The following NR5A2 variants were observed in gnomAD, a reference collection of about 807,000 sequenced individuals.
The protein encoded by NR5A2 is CYP7A promoter-binding factor.
Under a neutral mutation model 62.7 loss-of-function variants are expected in NR5A2, and 26 were observed. The ratio of observed to expected loss-of-function variants is 0.41; its 90% CI spans 0.30 to 0.58. The LOEUF (loss-of-function observed/expected upper bound fraction) is 0.58, where lower values mean the gene tolerates loss of function less well. Among genes scored for constraint, NR5A2 ranks in the 20% least tolerant of loss-of-function variants. The probability of loss-of-function intolerance (pLI) is 0.22; values close to 1 mark genes in which losing one functional copy is unlikely to be tolerated. For missense variants in NR5A2, 541 were observed against 669.1 expected (o/e 0.81, Z 2.11); for synonymous variants, 246 against 241.7 (o/e 1.02, Z -0.16).
At chr1:200,067,069 T>A (rs1663516977) in intron 5 of NR5A2, among the ~76,000 whole-genome samples, 1 of 152,178 alleles carries the variant, frequency 6.6e-6, no homozygotes, top group Non-Finnish European at 1.5e-5. Flanking sequence ...ACCTAAAAAA[T>A]TTAGACATTA....
chr1:200,048,365 C>T lies in NR5A2; in HGVS notation c.657C>T (p.Ala219=), dbSNP rs768303959. 6.2e-7 allele frequency: 1 copy of T among 1,614,204 alleles called. No individual in the cohort carries two copies. Residue 219 remains alanine, a synonymous_variant, in exon 5 of 8, where the codon GCC becomes GCT. Coordinates refer to ENST00000367362, the MANE Select transcript of NR5A2 (RefSeq NM_205860.3). The surrounding 1 kb of genome is among the most constrained non-coding windows in gnomAD (Gnocchi z 4.8). ...ISSAIQNIHS[A]SKGLPLNHAA... ...CTGCAATTCAAAACATCCACTCTGC[C>T]TCCAAAGGCCTACCTCTGAACCATG...
intron 5 of NR5A2, among the ~76,000 whole-genome samples, chr1:200,059,675 G>A (rs1166205328): frequency 1.3e-5 from 2 of 152,176 alleles, no homozygotes. Context: ...TGACTCATAT[G>A]TGACATCCCT....
intron 1 of NR5A2, among the ~76,000 whole-genome samples, chr1:200,037,582 T>A (rs6698068): frequency 4.6e-5 from 7 of 152,332 alleles, no homozygotes; most frequent in African/African-American, 1.7e-4. Context: ...TTTATTTTCT[T>A]AGTTCTCAGT....
intron 2 of NR5A2, among the ~76,000 whole-genome samples, chr1:200,041,040 AC>A (rs1662046239): frequency 1.3e-5 from 2 of 151,890 alleles, no homozygotes; most frequent in Non-Finnish European, 2.9e-5. Flanking sequence ...TCTTCCGGGC[AC>A]CTGGAATTCC....
chr1:200,105,090 C>G (rs1558141442), intron 5 of NR5A2, among the ~76,000 whole-genome samples: 1 of 152,130 alleles, frequency 6.6e-6, no homozygotes, highest in African/African-American at 2.4e-5. Context: ...TCCTGAGTAG[C>G]TTGAACCATA....
intron 5 of NR5A2, among the ~76,000 whole-genome samples, chr1:200,051,961 C>A (rs895385802): frequency 1.3e-5 from 2 of 152,134 alleles, no homozygotes; most frequent in Non-Finnish European, 2.9e-5. Flanking sequence ...CACATACACA[C>A]AACTAAACCA....
intron 7 of NR5A2, among the ~76,000 whole-genome samples, chr1:200,129,372 T>G (rs1449732407): frequency 1.3e-5 from 2 of 151,660 alleles, no homozygotes; most frequent in African/African-American, 2.4e-5. Flanking sequence ...TTTGTAGGAA[T>G]AGCAAACATT....
intron 7 of NR5A2, among the ~76,000 whole-genome samples, chr1:200,155,673 T>TA (rs202122922): frequency 4.0e-5 from 6 of 151,644 alleles, no homozygotes; most frequent in African/African-American, 7.2e-5. Flanking sequence ...CAGATAATAA[T>TA]AAAAAAATTT....
chr1:200,168,600 A>G (rs999219173), intron 7 of NR5A2, among the ~76,000 whole-genome samples: 1 of 152,152 alleles, frequency 6.6e-6, no homozygotes, highest in Non-Finnish European at 1.5e-5. Context: ...GTACACACCT[A>G]TATTATTCTA....
At chr1:200,062,360 G>C (rs530332046) in intron 5 of NR5A2, among the ~76,000 whole-genome samples, 1 of 151,690 alleles carries the variant, frequency 6.6e-6, no homozygotes, top group African/African-American at 2.4e-5. Flanking sequence ...GTTTCATTTC[G>C]ATCACTGTAT....
chr1:200,056,055 G>C (rs886547604), intron 5 of NR5A2, among the ~76,000 whole-genome samples: 4 of 152,174 alleles, frequency 2.6e-5, no homozygotes, highest in Non-Finnish European at 5.9e-5. Context: ...TTTCCAAGCA[G>C]ACCTGAAACA....
intron 7 of NR5A2, among the ~76,000 whole-genome samples, chr1:200,123,440 C>T (rs1318504389): frequency 2.0e-5 from 3 of 152,088 alleles, no homozygotes; most frequent in Non-Finnish European, 4.4e-5. Context: ...GCAGATGTGG[C>T]TGGAGACATA....
At chr1:200,063,673 G>A (rs1663334051) in intron 5 of NR5A2, among the ~76,000 whole-genome samples, 1 of 152,214 alleles carries the variant, frequency 6.6e-6, no homozygotes, top group East Asian at 1.9e-4. Flanking sequence ...GCATTTTACT[G>A]GGGTGTAGTA....
intron 7 of NR5A2, among the ~76,000 whole-genome samples, chr1:200,169,647 G>A (rs1355299018): frequency 6.6e-6 from 1 of 152,166 alleles, no homozygotes; most frequent in African/African-American, 2.4e-5. Flanking sequence ...ATAAAAAGTT[G>A]GTAATTAGTC....
At chr1:200,094,137 C>G (rs977127767) in intron 5 of NR5A2, among the ~76,000 whole-genome samples, 3 of 151,710 alleles carry the variant, frequency 2.0e-5, no homozygotes. Context: ...CCACTGCACT[C>G]CAGCCTGGGC....
At chr1:200,090,876 C>T (rs559110387) in intron 5 of NR5A2, among the ~76,000 whole-genome samples, 12 of 152,290 alleles carry the variant, frequency 7.9e-5, no homozygotes, top group South Asian at 4.1e-4. Flanking sequence ...CTCACATTCA[C>T]GTACACAATA....
intron 7 of NR5A2, among the ~76,000 whole-genome samples, chr1:200,130,637 A>C (rs1666933512): frequency 1.3e-5 from 2 of 152,228 alleles, no homozygotes; most frequent in Admixed American, 1.3e-4. Context: ...ACATCATAAA[A>C]TTCTTTTTGC....
At chr1:200,164,867 G>GTTTT (rs56818276) in intron 7 of NR5A2, among the ~76,000 whole-genome samples, 4 of 63,896 alleles carry the variant, frequency 6.3e-5, no homozygotes, top group Non-Finnish European at 1.1e-4. Flanking sequence ...TTTTAGAGCA[G>GTTTT]TTTTTTTTTT....
rs1258880602 is a variant in NR5A2, at chr1:200,039,881, C to CGGGCGCGGGAGTAGCCCCGCT, written c.202+93_202+113dup. ...GCAGGCTTCAGCCTCCCGCCCCGCG[C>CGGGCGCGGGAGTAGCCCCGCT]GGGCGCGGGAGTAGCCCCGCTGGGC... On this transcript the variant is annotated intron_variant, in intron 2 of 7. Transcript: ENST00000367362. The surrounding 1 kb of genome is among the most constrained non-coding windows in gnomAD (Gnocchi z 5.1). The CGGGCGCGGGAGTAGCCCCGCT allele has an allele frequency of 6.9e-7, 1 of 1,449,968 alleles. No homozygotes were observed. The highest frequency in any genetic ancestry group is 1.5e-5 in the African/African-American group (1 of 65,682). 89.8% of individuals were successfully genotyped at this position (1,449,968 alleles called of 1,614,324 possible).
Sources: gnomAD v4.1 joint callset for allele counts (sites outside exome capture counted in the v4.1 genomes callset) on GRCh38, gnomAD v4.1.1 for gene constraint, Gnocchi (gnomAD v3.1) non-coding constraint, MANE v1.5 for transcripts, NCBI Gene and HGNC (gene_info 2026-07-23, HGNC 2026-07-21) for gene names.